The following DOK5 variants were observed in gnomAD, a reference collection of about 807,000 sequenced individuals.
The protein encoded by DOK5 is downstream of tyrosine kinase 5.
Under a neutral mutation model 43.3 loss-of-function variants are expected in DOK5, and 27 were observed. The observed-to-expected ratio is 0.62, with a 90% CI of 0.46 to 0.86. The LOEUF is 0.86. Ranked by LOEUF, DOK5 falls within the 40% of genes least tolerant of loss-of-function variation. The probability of loss-of-function intolerance (pLI) is 0.00; values close to 1 mark genes in which losing one functional copy is unlikely to be tolerated. For synonymous variants in DOK5, 146 were observed against 140.1 expected (o/e 1.04, Z -0.30); for missense variants, 373 against 392.9 (o/e 0.95, Z 0.43).
At chr20:54,612,498 T>C (rs927346367) in intron 6 of DOK5, among the ~76,000 whole-genome samples, 2 of 152,192 alleles carry the variant, frequency 1.3e-5, no homozygotes, top group Admixed American at 6.5e-5. Context: ...ATATTTGAAA[T>C]GATAGATTGA....
At chr20:54,541,596 C>T (rs536758943) in intron 1 of DOK5, among the ~76,000 whole-genome samples, 3 of 152,098 alleles carry the variant, frequency 2.0e-5, no homozygotes, top group South Asian at 2.1e-4. Context: ...CCACCATGCC[C>T]GGCTAATTTT....
intron 1 of DOK5, among the ~76,000 whole-genome samples, chr20:54,500,938 T>A (rs6098028): frequency 1.3e-5 from 2 of 152,244 alleles, no homozygotes; most frequent in African/African-American, 4.8e-5. Flanking sequence ...AACTGTGAGT[T>A]TGAAGTCTAT....
intron 1 of DOK5, among the ~76,000 whole-genome samples, chr20:54,493,212 C>A (rs1982261563): frequency 6.6e-6 from 1 of 152,148 alleles, no homozygotes; most frequent in South Asian, 2.1e-4. Flanking sequence ...CCTGTGCCTT[C>A]CCCTTGCACA....
chr20:54,584,230 T>C (rs1245157848), intron 2 of DOK5, among the ~76,000 whole-genome samples: 1 of 151,932 alleles, frequency 6.6e-6, no homozygotes. Flanking sequence ...CTGTATTTCT[T>C]GTAGCTCTTT....
intron 1 of DOK5, among the ~76,000 whole-genome samples, chr20:54,518,467 T>A (rs1027922229): frequency 1.3e-5 from 2 of 152,098 alleles, no homozygotes; most frequent in Non-Finnish European, 2.9e-5. Flanking sequence ...TCCTTTTTTA[T>A]GGCTGCATAG....
At chr20:54,557,509 C>A (rs1018332869) in intron 2 of DOK5, among the ~76,000 whole-genome samples, 2 of 152,178 alleles carry the variant, frequency 1.3e-5, no homozygotes, top group African/African-American at 4.8e-5. Flanking sequence ...TACCCATCTG[C>A]TGCCCAGGGA....
At chr20:54,510,851 A>T (rs913328082) in intron 1 of DOK5, among the ~76,000 whole-genome samples, 1 of 152,166 alleles carries the variant, frequency 6.6e-6, no homozygotes, top group African/African-American at 2.4e-5. Context: ...TGGAGTTGAA[A>T]GAGTAGCTCA....
At chr20:54,543,079 A>C (rs1035502129) in intron 1 of DOK5, among the ~76,000 whole-genome samples, 3 of 152,198 alleles carry the variant, frequency 2.0e-5, no homozygotes, top group African/African-American at 7.2e-5. Flanking sequence ...GAGGGTAAAA[A>C]TACACAGAAT....
intron 5 of DOK5, among the ~76,000 whole-genome samples, chr20:54,604,029 C>T (rs1325819580): frequency 7.0e-6 from 1 of 142,550 alleles, no homozygotes; most frequent in Non-Finnish European, 1.5e-5. Context: ...TCACTGCAAG[C>T]TCCGCCTCCC....
chr20:54,484,473 T>C (rs770947788), intron 1 of DOK5, among the ~76,000 whole-genome samples: 18 of 152,184 alleles, frequency 1.2e-4, no homozygotes, highest in Non-Finnish European at 2.4e-4. Flanking sequence ...TAAGAAATAA[T>C]ATGGAGAGAT....
intron 6 of DOK5, among the ~76,000 whole-genome samples, chr20:54,631,965 C>T (rs1028120054): frequency 3.3e-5 from 5 of 152,112 alleles, no homozygotes; most frequent in African/African-American, 7.2e-5. Context: ...AGCAAGACTC[C>T]GTCTCAAAAA....
At chr20:54,508,738 A>G (rs1011910036) in intron 1 of DOK5, among the ~76,000 whole-genome samples, 1 of 151,774 alleles carries the variant, frequency 6.6e-6, no homozygotes, top group East Asian at 1.9e-4. Context: ...GTGCCATCAC[A>G]CCTGGCTGAT....
chr20:54,533,075 T>C (rs142525775), intron 1 of DOK5, among the ~76,000 whole-genome samples: 140 of 152,356 alleles, frequency 9.2e-4, no homozygotes, highest in African/African-American at 3.2e-3. Flanking sequence ...TCTGGGATAA[T>C]GGCTTTAATT....
chr20:54,647,519 A>AAAC (rs1555840268), intron 7 of DOK5, among the ~76,000 whole-genome samples: 6 of 151,862 alleles, frequency 4.0e-5, no homozygotes, highest in Admixed American at 6.5e-5. Context: ...TAAAAAAAAA[A>AAAC]AAAACAAAAA....
At chr20:54,642,713 A>C (rs1979182864) in intron 6 of DOK5, among the ~76,000 whole-genome samples, 1 of 152,042 alleles carries the variant, frequency 6.6e-6, no homozygotes, top group Non-Finnish European at 1.5e-5. Context: ...ACAGAGCAAG[A>C]CTCCATCTGA....
intron 6 of DOK5, among the ~76,000 whole-genome samples, chr20:54,613,426 T>C (rs1285162783): frequency 6.6e-6 from 1 of 152,172 alleles, no homozygotes; most frequent in African/African-American, 2.4e-5. Flanking sequence ...AATCTACACA[T>C]TATTGAAAAA....
At chr20:54,522,215 A>T (rs569896797) in intron 1 of DOK5, among the ~76,000 whole-genome samples, 109 of 152,108 alleles carry the variant, frequency 7.2e-4, no homozygotes, top group African/African-American at 2.5e-3. Context: ...GATGAGCTTT[A>T]AAAAAAAGCA....
chr20:54,592,885 T>C (rs999161724), intron 5 of DOK5, among the ~76,000 whole-genome samples: 5 of 152,112 alleles, frequency 3.3e-5, no homozygotes, highest in African/African-American at 1.2e-4. Flanking sequence ...GAAATATAAG[T>C]TCTTCTGTAT....
intron 2 of DOK5, among the ~76,000 whole-genome samples, chr20:54,571,949 A>G (rs997727087): frequency 1.3e-5 from 2 of 152,064 alleles, no homozygotes; most frequent in African/African-American, 2.4e-5. Flanking sequence ...CTGGAAGCTC[A>G]TCTTTGTTTT....
Sources: allele counts gnomAD v4.1 joint callset (sites outside exome capture counted in the v4.1 genomes callset), GRCh38; gene constraint gnomAD v4.1.1; transcripts MANE v1.5; gene names NCBI Gene and HGNC (gene_info 2026-07-23, HGNC 2026-07-21).